CPAMD8: variants seen among roughly 807,000 people sequenced by gnomAD.
The protein encoded by CPAMD8 is C3 and PZP-like alpha-2-macroglobulin domain-containing protein 8.
Under a neutral mutation model 224.7 loss-of-function variants are expected in CPAMD8, and 146 were observed. The ratio of observed to expected loss-of-function variants is 0.65; its 90% CI spans 0.57 to 0.75. CPAMD8 has a LOEUF of 0.75. CPAMD8 is among the 30% of genes least tolerant of loss of function. The pLI is 0.00. For missense variants in CPAMD8, 2,301 were observed against 2,537.5 expected (o/e 0.91, Z 2.00); for synonymous variants, 966 against 1,044.6 (o/e 0.92, Z 1.45).
Position 16,928,017 on chromosome 19 carries a change from G to T in CPAMD8, c.3362C>A (p.Ser1121Tyr). The change falls in exon 25 of 42, where the codon TCC (serine) becomes TAC (tyrosine). Residue 1121 changes from serine to tyrosine, a missense_variant. Ser to Tyr is a moderately radical substitution (Grantham distance 144). Transcript: ENST00000443236. Reference protein sequence around the residue: ...AIPGSERATASIIGDVMGPTL... With the variant: ...AIPGSERATAYIIGDVMGPTL... The stretch of plus-strand genomic sequence containing the variant: ...CTGTGGGACAGACGCACCGATGATG[G>T]AGGCGGTGGCTCGCTCAGACCCAGG... The T allele has an allele frequency of 6.2e-7, 1 of 1,611,422 alleles. No individual in the cohort carries two copies. The highest frequency in any genetic ancestry group is 8.5e-7 in the Non-Finnish European group (1 of 1,177,630).
chr19:16,894,921 A>AC, intron 41 of CPAMD8: 1 of 150,600 alleles, frequency 6.6e-6, no homozygotes. Context: ...CCATCTCTAC[A>AC]ACACACACAC....
intron 7 of CPAMD8, among the ~76,000 whole-genome samples, chr19:17,006,496 C>T (rs1266457693): frequency 1.3e-5 from 2 of 151,174 alleles, no homozygotes; most frequent in East Asian, 3.9e-4. Flanking sequence ...GCACTCCAGC[C>T]TAGGTGACAG....
chr19:16,975,318 C>T, intron 16 of CPAMD8, 60 bp from the exon 17 acceptor site: 1 of 1,425,634 alleles, frequency 7.0e-7, no homozygotes, highest in Non-Finnish European at 9.7e-7. Context: ...CCCAAACTGG[C>T]TCCCGTGGGT....
chr19:16,923,221 T>A (rs1264366438), intron 26 of CPAMD8, among the ~76,000 whole-genome samples: 1 of 152,010 alleles, frequency 6.6e-6, no homozygotes, highest in East Asian at 1.9e-4. Flanking sequence ...ATGGGTGGCG[T>A]GTGAGTAGGA....
chr19:17,003,502 A>G (rs977354600), intron 8 of CPAMD8, among the ~76,000 whole-genome samples: 1 of 151,702 alleles, frequency 6.6e-6, no homozygotes, highest in Non-Finnish European at 1.5e-5. Context: ...TGCCTGGCCT[A>G]CAATACTTTT....
chr19:17,002,145 GGCACAC>G lies in CPAMD8; in HGVS notation c.758+115_758+120del. On this transcript the variant is annotated intron_variant, in intron 9 of 41. Transcript: ENST00000443236. ...GGGAGGAGGGAACCAGGAAGGGAGG[GGCACAC>G]CCATGTGGGAGGGAGGGAGGCAGCA... The G allele has an allele frequency of 6.0e-6, 4 of 665,856 alleles. No individual in the cohort carries two copies. In the South Asian group the frequency reaches 7.3e-5, roughly 12 times the overall value. The allele number at this position is 665,856 out of a possible 1,614,324, so 41.2% of individuals were successfully genotyped here.
chr19:16,947,024 CT>C, intron 21 of CPAMD8, 49 bp downstream of exon 21: 2 of 1,541,602 alleles, frequency 1.3e-6, no homozygotes, highest in Non-Finnish European at 1.8e-6. Flanking sequence ...TGCCAGGACA[CT>C]TTTGTGGCCT....
At chr19:16,996,114 C>A (rs555258262) in intron 11 of CPAMD8, among the ~76,000 whole-genome samples, 1 of 152,294 alleles carries the variant, frequency 6.6e-6, no homozygotes, top group East Asian at 1.9e-4. Context: ...CATGCCACTG[C>A]ACTCCAGCCT....
chr19:17,022,252 C>T (rs898161541), intron 1 of CPAMD8, 71 bp from the exon 2 acceptor site: 60 of 1,534,252 alleles, frequency 3.9e-5, no homozygotes, highest in South Asian at 2.5e-4. Flanking sequence ...ACAGCTAGGT[C>T]AGGGCTCTCC....
chr19:16,947,680 T>TTCCG (rs2122287229), intron 20 of CPAMD8, among the ~76,000 whole-genome samples: 1 of 150,258 alleles, frequency 6.7e-6, no homozygotes, highest in Non-Finnish European at 1.5e-5. Flanking sequence ...CACGTGTGTG[T>TTCCG]TTATTCATGT....
intron 20 of CPAMD8, among the ~76,000 whole-genome samples, chr19:16,950,383 T>C (rs2054260415): frequency 6.6e-6 from 1 of 152,116 alleles, no homozygotes; most frequent in African/African-American, 2.4e-5. Context: ...CCACCAAAAC[T>C]GAGTGAGTGG....
chr19:16,989,722 G>C lies in CPAMD8; in HGVS notation c.1316C>G (p.Pro439Arg), dbSNP rs761522063. 1 of 1,614,028 alleles carries C rather than the reference G, an allele frequency of 6.2e-7. No homozygotes were observed. The highest frequency in any genetic ancestry group is 8.5e-7 in the Non-Finnish European group (1 of 1,179,944). ...CCAGCTGCCGAGGGAGAGGTAGCTGGGCAGGTACTGAGCCCCCACAGGCTT... is the reference window on the plus strand; with the variant it reads ...CCAGCTGCCGAGGGAGAGGTAGCTGCGCAGGTACTGAGCCCCCACAGGCTT... ...NGKPVGAQYL[P>R]SYLSLGSWYS... is the part of the protein sequence containing the mutation. The change falls in exon 13 of 42, where the codon CCC becomes CGC. Residue 439 changes from proline to arginine, a missense_variant. Around this residue, in one of 4 missense-constraint regions of CPAMD8, gnomAD observed 301 missense variants for 406.6 expected, o/e 0.74. Coordinates refer to ENST00000443236, the MANE Select transcript of CPAMD8 (RefSeq NM_015692.5).
At position 16,952,707 on chromosome 19, in the gene CPAMD8, TAA is replaced by T. The variant is rs540631429; in HGVS notation, c.2277-509_2277-508del. On this transcript the variant is annotated intron_variant, in intron 19 of 41. Coordinates refer to ENST00000443236, the MANE Select transcript of CPAMD8 (RefSeq NM_015692.5). Reference sequence around the variant, plus strand: ...ACACAAAAATATTATTGAAAGAAACTAAAAAAGACAAAAAAAGACATAAATAA... The same window carrying T: ...ACACAAAAATATTATTGAAAGAAACTAAAAGACAAAAAAAGACATAAATAA... Among the ~76,000 whole-genome samples the T allele has an allele frequency of 5.3e-3, 811 of 151,852 alleles. 5 individuals are homozygous for T. The highest frequency in any genetic ancestry group is 0.019 in the African/African-American group (774 of 41,428).
rs374847433 is a variant in CPAMD8, at chr19:16,902,696, G to T, written c.4638C>A (p.Ala1546=). ...CCTTGTATTCCTGGTGATGCTGATC[G>T]GCCGCTGGGTCATCATCGTCAGCTG... is the stretch of plus-strand genomic sequence containing the variant. The part of the protein sequence containing the change: ...WPPADDDDPA[A]DQHHQEYKVM... Residue 1546 remains alanine, a synonymous_variant, in exon 35 of 42, where the codon GCC becomes GCA. Coordinates refer to ENST00000443236, the MANE Select transcript of CPAMD8 (RefSeq NM_015692.5). 37 of 1,608,486 alleles carry T rather than the reference G, an allele frequency of 2.3e-5. No individual in the cohort carries two copies. Among genetic ancestry groups the T allele is most frequent in the Middle Eastern group, 2.0e-4 (1 of 4,920 alleles).
intron 18 of CPAMD8, among the ~76,000 whole-genome samples, chr19:16,966,444 C>G (rs537653789): frequency 1.3e-5 from 2 of 152,104 alleles, no homozygotes; most frequent in East Asian, 3.9e-4. Flanking sequence ...AAAGACTTCA[C>G]GACTAAAACA....
intron 14 of CPAMD8, 43 bp from the exon 15 acceptor site, chr19:16,977,583 T>C: frequency 8.1e-6 from 12 of 1,476,910 alleles, no homozygotes; most frequent in Non-Finnish European, 1.1e-5. Context: ...ATTCTCCGCA[T>C]CCGACATGCA....
In CPAMD8 at chr19:17,002,842, G is replaced by C. The variant is rs1009197825; in HGVS notation, c.674-492C>G. On this transcript the variant is annotated intron_variant, in intron 8 of 41. Transcript: ENST00000443236. ...AGCAGCCGGTAAACCAGAAAGAATCGGGTCCTGAGAGAACTCTTGTAGGAG... is the reference window on the plus strand; with the variant it reads ...AGCAGCCGGTAAACCAGAAAGAATCCGGTCCTGAGAGAACTCTTGTAGGAG... Among the ~76,000 whole-genome samples the C allele has an allele frequency of 2.6e-5, 4 of 152,236 alleles. No individual in the cohort carries two copies. In the East Asian group the frequency reaches 5.8e-4, roughly 22 times the overall value.
At chr19:16,979,386 T>TCATCCATCCATCCATCCATCCATC (rs55698805) in intron 14 of CPAMD8, among the ~76,000 whole-genome samples, 1 of 133,452 alleles carries the variant, frequency 7.5e-6, no homozygotes, top group Non-Finnish European at 1.6e-5. Context: ...ATCTGTCCAT[T>TCATCCATCCATCCATCCATCCATC]CATCCATCCA....
At chr19:16,973,345 TTTTA>T (rs916977561) in intron 17 of CPAMD8, among the ~76,000 whole-genome samples, 1 of 152,030 alleles carries the variant, frequency 6.6e-6, no homozygotes, top group African/African-American at 2.4e-5. Flanking sequence ...GCCTTTGAAA[TTTTA>T]TTTATTTATT....
Sources: gnomAD v4.1 joint callset for allele counts (sites outside exome capture counted in the v4.1 genomes callset) on GRCh38, gnomAD v4.1.1 for gene constraint, gnomAD v4.1.1 regional missense constraint, MANE v1.5 for transcripts, NCBI Gene and HGNC (gene_info 2026-07-23, HGNC 2026-07-21) for gene names.